Variants in PARVA observed in about 807,000 individuals in gnomAD.
PARVA encodes parvin alpha, also known as alpha-parvin.
In PARVA, 25 loss-of-function variants were observed where a neutral mutation model predicts 52.6. The observed-to-expected ratio is 0.48, with a 90% CI of 0.35 to 0.66. The LOEUF is 0.66. Ranked by LOEUF, PARVA falls within the 30% of genes least tolerant of loss-of-function variation. PARVA has a pLI of 0.01. For missense variants in PARVA, 373 were observed against 450.9 expected, an observed-to-expected ratio of 0.83 and a Z score of 1.56; for synonymous variants, 185 against 179.1, an observed-to-expected ratio of 1.03 and a Z score of -0.26.
chr11:12,427,953 G>A (rs1940261569), intron 1 of PARVA, among the ~76,000 whole-genome samples: 1 of 152,212 alleles, frequency 6.6e-6, no homozygotes, highest in Admixed American at 6.5e-5. Context: ...AAGGGCAGCA[G>A]AACCTGGAGG....
chr11:12,449,672 C>T (rs1272498178), intron 1 of PARVA, among the ~76,000 whole-genome samples: 1 of 152,204 alleles, frequency 6.6e-6, no homozygotes, highest in African/African-American at 2.4e-5. Context: ...CCACCAGCCT[C>T]TCCTCCGGGG....
At chr11:12,393,594 G>T (rs1206310217) in intron 1 of PARVA, among the ~76,000 whole-genome samples, 1 of 152,102 alleles carries the variant, frequency 6.6e-6, no homozygotes. Flanking sequence ...TCAGCTGGTG[G>T]GTGAGAAAGA....
At chr11:12,404,452 A>C (rs1280315120) in intron 1 of PARVA, among the ~76,000 whole-genome samples, 2 of 152,238 alleles carry the variant, frequency 1.3e-5, no homozygotes, top group African/African-American at 2.4e-5. Flanking sequence ...TGGGCCCAGG[A>C]GGGAAGAGGG....
At chr11:12,508,478 C>A in intron 6 of PARVA, 106 bp from the exon 7 acceptor site, 1 of 830,754 alleles carries the variant, frequency 1.2e-6, no homozygotes, top group Non-Finnish European at 2.1e-6. Flanking sequence ...ATTTCTTAAA[C>A]ACCAGTAACT....
At chr11:12,412,462 G>A (rs75142350) in intron 1 of PARVA, among the ~76,000 whole-genome samples, 6,913 of 152,216 alleles carry the variant, frequency 0.045, 539 homozygotes, top group African/African-American at 0.16. Flanking sequence ...GTATGGAAAG[G>A]ACCACCAGGG....
At chr11:12,404,741 C>T (rs975051169) in intron 1 of PARVA, among the ~76,000 whole-genome samples, 4 of 152,160 alleles carry the variant, frequency 2.6e-5, no homozygotes, top group East Asian at 1.9e-4. Flanking sequence ...GGGTCCTGGC[C>T]AGATGCTTTG....
intron 1 of PARVA, among the ~76,000 whole-genome samples, chr11:12,459,394 G>T (rs183564213): frequency 6.6e-6 from 1 of 151,276 alleles, no homozygotes; most frequent in Non-Finnish European, 1.5e-5. Flanking sequence ...AACAGAGAGA[G>T]ACCCTGTCTC....
intron 5 of PARVA, among the ~76,000 whole-genome samples, chr11:12,504,011 G>A (rs183153972): frequency 6.6e-6 from 1 of 152,272 alleles, no homozygotes; most frequent in African/African-American, 2.4e-5. Context: ...AGGAGCAAGA[G>A]AGAGAGTGGG....
intron 4 of PARVA, among the ~76,000 whole-genome samples, chr11:12,495,256 G>C (rs1187057650): frequency 6.6e-6 from 1 of 152,152 alleles, no homozygotes; most frequent in Non-Finnish European, 1.5e-5. Context: ...CTACTGAGGT[G>C]CTTAAAAAAA....
Position 12,517,605 on chromosome 11 carries a change from T to G in PARVA, c.868-5T>G. On this transcript the variant is annotated splice_region_variant and splice_polypyrimidine_tract_variant and intron_variant, in intron 10 of 12. Coordinates refer to ENST00000334956, the MANE Select transcript of PARVA (RefSeq NM_018222.5). ...GCCAGTGCCATCACCTGGCTCTTCC[T>G]CCAGTTTGCAGATGGGGTGTACCTG... The G allele has an allele frequency of 6.3e-7, 1 of 1,584,424 alleles. No individual in the cohort carries two copies. Among genetic ancestry groups the G allele is most frequent in the Non-Finnish European group, 8.6e-7 (1 of 1,163,690 alleles).
rs370658443 is a variant in PARVA at position 12,473,870 on chromosome 11, T to C, written c.226+36T>C. On this transcript the variant is annotated intron_variant, in intron 2 of 12. Coordinates refer to ENST00000334956, the MANE Select transcript of PARVA (RefSeq NM_018222.5). Reference sequence around the variant, plus strand: ...TCTTGTCTCTGAATTCGCTTAAGCTTTCCCATGCCAGCACCCCCACTGAAT... The same window carrying C: ...TCTTGTCTCTGAATTCGCTTAAGCTCTCCCATGCCAGCACCCCCACTGAAT... 5.8e-5 allele frequency: 91 copies of C among 1,562,282 alleles called. No homozygotes were observed. The African/African-American group carries it at 1.1e-3, about 19-fold the overall frequency.
chr11:12,428,614 A>G (rs1234289233), intron 1 of PARVA, among the ~76,000 whole-genome samples: 2 of 152,168 alleles, frequency 1.3e-5, no homozygotes, highest in Non-Finnish European at 2.9e-5. Context: ...TCATGGCATT[A>G]CCATCATCTC....
At chr11:12,432,897 G>A (rs1482191718) in intron 1 of PARVA, among the ~76,000 whole-genome samples, 3 of 152,196 alleles carry the variant, frequency 2.0e-5, no homozygotes, top group Non-Finnish European at 4.4e-5. Flanking sequence ...TACACCCAAA[G>A]GAGATGGTGG....
In PARVA at chr11:12,451,953, C is replaced by T. The variant is rs918162672; in HGVS notation, c.137-21792C>T. ...CATGGGTAGCATAGTAATTACATCTCGGGATTCCTCCTTCTAGGGCTTTTA... is the reference window on the plus strand; with the variant it reads ...CATGGGTAGCATAGTAATTACATCTTGGGATTCCTCCTTCTAGGGCTTTTA... On this transcript the variant is annotated intron_variant, in intron 1 of 12. Transcript: ENST00000334956. Among the ~76,000 whole-genome samples, 19 of 152,078 alleles carry T rather than the reference C, an allele frequency of 1.2e-4. 1 individual carries two copies. Among genetic ancestry groups the T allele is most frequent in the East Asian group, 1.9e-4 (1 of 5,158 alleles).
intron 1 of PARVA, among the ~76,000 whole-genome samples, chr11:12,434,667 C>A (rs79976253): frequency 0.031 from 4,757 of 152,268 alleles, 233 homozygotes; most frequent in African/African-American, 0.11. Context: ...GACTTGCTCT[C>A]AGCCTCTAGC....
chr11:12,455,125 A>T (rs749966510), intron 1 of PARVA, among the ~76,000 whole-genome samples: 66 of 152,240 alleles, frequency 4.3e-4, no homozygotes, highest in African/African-American at 1.6e-3. Flanking sequence ...CCAAAAACTG[A>T]TGGGTAGATA....
rs4756923 is a variant in PARVA at position 12,533,074 on chromosome 11, T to G, written c.*5149T>G. On this transcript the variant is annotated 3_prime_UTR_variant, in exon 13 of 13. Coordinates refer to ENST00000334956, the MANE Select transcript of PARVA (RefSeq NM_018222.5). ...TGCCCACCCCAACACCAATCTGGTC[T>G]TAGCAACCTCTGGGCATCCCATAGC... Among the ~76,000 whole-genome samples, 69,132 of 151,962 alleles carry G rather than the reference T, an allele frequency of 0.45. 16,838 individuals carry two copies. The highest frequency in any genetic ancestry group is 0.62 in the African/African-American group (25,795 of 41,430).
chr11:12,401,220 A>G (rs1022932017), intron 1 of PARVA, among the ~76,000 whole-genome samples: 2 of 152,232 alleles, frequency 1.3e-5, no homozygotes, highest in African/African-American at 4.8e-5. Flanking sequence ...GCGACCTCAC[A>G]GGCAAATAAT....
intron 1 of PARVA, 129 bp from the exon 2 acceptor site, chr11:12,473,616 G>C: frequency 1.4e-6 from 1 of 694,124 alleles, no homozygotes; most frequent in Non-Finnish European, 2.5e-6. Flanking sequence ...ATCGTAGGCT[G>C]AGTAACAGCT....
Sources: gnomAD v4.1 joint callset for allele counts (sites outside exome capture counted in the v4.1 genomes callset) on GRCh38, gnomAD v4.1.1 for gene constraint, MANE v1.5 for transcripts, NCBI Gene and HGNC (gene_info 2026-07-23, HGNC 2026-07-21) for gene names.